Variants in RAB1A observed in about 807,000 individuals in gnomAD.
RAB1A encodes the protein ras-related protein Rab-1A.
Under a neutral mutation model 26.0 loss-of-function variants are expected in RAB1A, and 2 were observed. That is an observed-to-expected ratio of 0.08 (90% confidence interval 0.03 to 0.24). RAB1A has a LOEUF of 0.24. Among genes scored for constraint, RAB1A ranks in the 10% least tolerant of loss-of-function variants. RAB1A has a pLI of 1.00. For missense variants in RAB1A, 100 were observed against 247.0 expected, an observed-to-expected ratio of 0.40 and a Z score of 3.99; for synonymous variants, 84 against 84.9, an observed-to-expected ratio of 0.99 and a Z score of 0.06.
intron 1 of RAB1A, among the ~76,000 whole-genome samples, chr2:65,124,540 A>C (rs907605311): frequency 6.6e-6 from 1 of 152,168 alleles, no homozygotes; most frequent in African/African-American, 2.4e-5. Context: ...GCCCACCTCC[A>C]GGGTTCAAGA....
chr2:65,101,463 G>C (rs888365229), intron 2 of RAB1A, among the ~76,000 whole-genome samples: 67 of 152,036 alleles, frequency 4.4e-4, no homozygotes, highest in African/African-American at 1.5e-3. Context: ...TGAGGGTATG[G>C]GGATCAGCAT....
At chr2:65,099,049 C>T (rs1669357955) in intron 2 of RAB1A, among the ~76,000 whole-genome samples, 1 of 152,074 alleles carries the variant, frequency 6.6e-6, no homozygotes, top group Non-Finnish European at 1.5e-5. Flanking sequence ...GATGGTCAGG[C>T]TGGTCTCAAA....
At chr2:65,121,247 A>C (rs2103879344) in intron 1 of RAB1A, among the ~76,000 whole-genome samples, 1 of 151,588 alleles carries the variant, frequency 6.6e-6, no homozygotes, top group South Asian at 2.1e-4. Context: ...AAAAAAAAAA[A>C]AAAAAAACCA....
At chr2:65,107,188 C>T (rs1455867086) in intron 1 of RAB1A, among the ~76,000 whole-genome samples, 1 of 151,994 alleles carries the variant, frequency 6.6e-6, no homozygotes, top group East Asian at 1.9e-4. Flanking sequence ...GCCTCAGCCT[C>T]TGAAGTAGCT....
rs143760678 is a variant in RAB1A, at chr2:65,127,394, C to T, written c.23+2499G>A. On this transcript the variant is annotated intron_variant, in intron 1 of 5. Transcript: ENST00000409784. ...GAAATCTTGTTGCTCTCATCCATGC[C>T]ACACATCTGGAATTTGCTATATCTA... 2.5e-3 allele frequency among the ~76,000 whole-genome samples: 376 copies of T among 152,282 alleles called. 4 individuals are homozygous for T. Among genetic ancestry groups the T allele is most frequent in the African/African-American group, 8.6e-3 (357 of 41,556 alleles).
intron 3 of RAB1A, among the ~76,000 whole-genome samples, chr2:65,096,152 C>G (rs1022085733): frequency 1.6e-4 from 21 of 133,284 alleles, no homozygotes; most frequent in African/African-American, 5.9e-4. Flanking sequence ...GGCTCCATCT[C>G]AAAAAAAAAA....
At chr2:65,107,199 G>A (rs1046761079) in intron 1 of RAB1A, among the ~76,000 whole-genome samples, 2 of 152,006 alleles carry the variant, frequency 1.3e-5, no homozygotes, top group East Asian at 3.9e-4. Context: ...TGAAGTAGCT[G>A]GGATTACAGA....
intron 1 of RAB1A, among the ~76,000 whole-genome samples, chr2:65,121,182 C>T (rs1467888525): frequency 1.5e-5 from 2 of 136,862 alleles, no homozygotes; most frequent in African/African-American, 5.6e-5. Context: ...TGCAGTGAGC[C>T]ATGACTGTGC....
Position 65,129,258 on chromosome 2 carries a change from C to A in RAB1A, c.23+635G>T, listed in dbSNP as rs1258528609. ...AGGTTTTTATAGGAGGGCAATGGAC[C>A]CGGCGAGCTCTTAAACAACTCCTCC... On this transcript the variant is annotated intron_variant, in intron 1 of 5. Coordinates refer to ENST00000409784, the MANE Select transcript of RAB1A (RefSeq NM_004161.5). 2.6e-5 allele frequency among the ~76,000 whole-genome samples: 4 copies of A among 150,972 alleles called. No individual in the cohort carries two copies. In the East Asian group the frequency reaches 7.7e-4, roughly 29 times the overall value.
chr2:65,104,588 G>C lies in RAB1A; in HGVS notation c.96+146C>G, dbSNP rs72818279. ...CTATTTAACAGTCCAAGATACCACT[G>C]GGGATGTATATTTGGAGTCTTTAAA... On this transcript the variant is annotated intron_variant, in intron 2 of 5. Coordinates refer to ENST00000409784, the MANE Select transcript of RAB1A (RefSeq NM_004161.5). 94 of 632,266 alleles carry C rather than the reference G, an allele frequency of 1.5e-4. 1 individual carries two copies. The highest frequency in any genetic ancestry group is 2.2e-4 in the Non-Finnish European group (78 of 360,806). 39.2% of individuals were successfully genotyped at this position (632,266 alleles called of 1,614,324 possible).
At chr2:65,101,742 C>T (rs867928979) in intron 2 of RAB1A, among the ~76,000 whole-genome samples, 301 of 70,754 alleles carry the variant, frequency 4.3e-3, no homozygotes, top group Non-Finnish European at 5.0e-3. Context: ...GTATTACTTC[C>T]TTTTTTTTTT....
At chr2:65,121,034 T>A (rs1669951942) in intron 1 of RAB1A, among the ~76,000 whole-genome samples, 1 of 151,702 alleles carries the variant, frequency 6.6e-6, no homozygotes. Flanking sequence ...GGCAGGAGGA[T>A]CACTTGAGCC....
intron 1 of RAB1A, among the ~76,000 whole-genome samples, chr2:65,107,351 C>T (rs940780538): frequency 6.6e-6 from 1 of 152,112 alleles, no homozygotes; most frequent in African/African-American, 2.4e-5. Context: ...AGGCATGAGC[C>T]ACCGTGCCTG....
At chr2:65,099,204 T>C (rs1573069805) in intron 2 of RAB1A, among the ~76,000 whole-genome samples, 1 of 149,004 alleles carries the variant, frequency 6.7e-6, no homozygotes, top group African/African-American at 2.4e-5. Context: ...CATAAATTGA[T>C]TTGGGTTGTT....
intron 2 of RAB1A, among the ~76,000 whole-genome samples, chr2:65,098,982 G>A (rs528698758): frequency 4.0e-5 from 6 of 151,830 alleles, no homozygotes; most frequent in South Asian, 4.2e-4. Context: ...GACTACAGGC[G>A]TGCATCACCA....
In RAB1A at chr2:65,129,920, C is replaced by A. The variant is rs1338925792; in HGVS notation, c.-5G>T. The A allele has an allele frequency of 1.3e-6, 2 of 1,589,118 alleles. No individual in the cohort carries two copies. The highest frequency in any genetic ancestry group is 1.7e-6 in the Non-Finnish European group (2 of 1,169,406). ...TTCGGGATTCATGCTGGACATGTCA[C>A]TGCAGCTGCCGCCGCCGCCACCGCC... On this transcript the variant is annotated 5_prime_UTR_variant, in exon 1 of 6. Transcript: ENST00000409784.
Position 65,088,520 on chromosome 2 carries a change from G to A in RAB1A, c.591C>T (p.Val197=). 6.2e-7 allele frequency: 1 copy of A among 1,611,748 alleles called. No homozygotes were observed. Among genetic ancestry groups the A allele is most frequent in the Non-Finnish European group, 8.5e-7 (1 of 1,179,018 alleles). ...KSNVKIQSTP[V]KQSGGGCC is the part of the protein sequence containing the mutation. ...AGCAGCAACCTCCACCTGACTGCTT[G>A]ACTGGAGTGCTCTGAATTTTAACAT... The change falls in exon 6 of 6, where the codon GTC becomes GTT. Residue 197 remains valine (V), a synonymous_variant. Transcript: ENST00000409784.
chr2:65,094,521 T>A (rs1187808491), intron 3 of RAB1A, among the ~76,000 whole-genome samples: 2 of 148,764 alleles, frequency 1.3e-5, no homozygotes, highest in African/African-American at 2.5e-5. Context: ...GAGGCGGAGG[T>A]TGCAGTGAGC....
chr2:65,123,081 C>A (rs1670008031), intron 1 of RAB1A, among the ~76,000 whole-genome samples: 1 of 36,498 alleles, frequency 2.7e-5, no homozygotes, highest in African/African-American at 1.2e-4. Context: ...GTCAAAACTA[C>A]CCAGAAGAGA....
Sources: allele counts gnomAD v4.1 joint callset (sites outside exome capture counted in the v4.1 genomes callset), GRCh38; gene constraint gnomAD v4.1.1; transcripts MANE v1.5; gene names NCBI Gene and HGNC (gene_info 2026-07-23, HGNC 2026-07-21).